The following MAP4K3 variants were observed in gnomAD, a reference collection of about 807,000 sequenced individuals.
MAP4K3 encodes MAPK/ERK kinase kinase kinase 3.
MAP4K3 carries 94 observed loss-of-function variants against 143.5 expected under a neutral mutation model. The observed-to-expected ratio is 0.65, with a 90% CI of 0.55 to 0.78. The LOEUF (loss-of-function observed/expected upper bound fraction) is 0.78. Among genes scored for constraint, MAP4K3 ranks in the 30% least tolerant of loss-of-function variants. MAP4K3 has a pLI of 0.00. For missense variants in MAP4K3, 1,077 were observed against 1,068.1 expected (o/e 1.01, Z -0.12); for synonymous variants, 416 against 347.2 (o/e 1.20, Z -2.20).
intron 20 of MAP4K3, among the ~76,000 whole-genome samples, chr2:39,287,232 G>A (rs558151328): frequency 6.6e-6 from 1 of 151,828 alleles, no homozygotes; most frequent in African/African-American, 2.4e-5. Flanking sequence ...ACCAAATACT[G>A]AATTCATAAC....
At chr2:39,413,962 C>T (rs1667300063) in intron 1 of MAP4K3, among the ~76,000 whole-genome samples, 1 of 152,188 alleles carries the variant, frequency 6.6e-6, no homozygotes, top group South Asian at 2.1e-4. Context: ...AGAGCATACA[C>T]ACTTACTCGC....
At chr2:39,344,067 T>C (rs1349499878) in intron 3 of MAP4K3, among the ~76,000 whole-genome samples, 1 of 152,216 alleles carries the variant, frequency 6.6e-6, no homozygotes, top group Non-Finnish European at 1.5e-5. Context: ...AAATGTACCA[T>C]TCATGGTACA....
chr2:39,398,999 A>G (rs1218727896), intron 1 of MAP4K3, among the ~76,000 whole-genome samples: 2 of 150,040 alleles, frequency 1.3e-5, no homozygotes, highest in Non-Finnish European at 3.0e-5. Context: ...AGCTGAGATC[A>G]TGCCATTGCA....
intron 22 of MAP4K3, among the ~76,000 whole-genome samples, chr2:39,281,379 C>T (rs764589041): frequency 3.9e-5 from 6 of 152,134 alleles, no homozygotes; most frequent in Non-Finnish European, 8.8e-5. Context: ...TTTAAAGACT[C>T]TGGTACCAAA....
intron 28 of MAP4K3, among the ~76,000 whole-genome samples, chr2:39,264,065 C>T (rs1680675291): frequency 6.6e-6 from 1 of 151,986 alleles, no homozygotes. Context: ...ATAGGAGGGA[C>T]ATATTTAAAA....
chr2:39,272,416 G>C lies in MAP4K3; in HGVS notation c.1856-16C>G, dbSNP rs750590755. On this transcript the variant is annotated splice_polypyrimidine_tract_variant and intron_variant, in intron 25 of 33. Transcript: ENST00000263881. ...GAAGCTTTACCTATAAAGAAAAACA[G>C]ATATGACATAAAAGCTAATAATAAA... is the stretch of plus-strand genomic sequence containing the variant. 6.9e-6 allele frequency: 11 copies of C among 1,603,244 alleles called. No homozygotes were observed. In the East Asian group the frequency reaches 1.3e-4, roughly 20 times the overall value.
chr2:39,411,828 T>C (rs540874888), intron 1 of MAP4K3, among the ~76,000 whole-genome samples: 14 of 152,174 alleles, frequency 9.2e-5, no homozygotes, highest in Non-Finnish European at 2.1e-4. Context: ...CGAAGGGTAA[T>C]GGCTACATAT....
chr2:39,303,993 A>G (rs1318520475), intron 15 of MAP4K3, among the ~76,000 whole-genome samples: 10 of 152,220 alleles, frequency 6.6e-5, no homozygotes, highest in Admixed American at 6.5e-4. Context: ...CATTTTGCAG[A>G]TCAGACAAAC....
rs551398400 is a variant in MAP4K3, at chr2:39,399,119, C to G, written c.97-20996G>C. ...GCAATCACACTTATCAACCTGCTCA[C>G]ACGAAATTCCCAATCTATCAATTAA... On this transcript the variant is annotated intron_variant, in intron 1 of 33. Coordinates refer to ENST00000263881, the MANE Select transcript of MAP4K3 (RefSeq NM_003618.4). Among the ~76,000 whole-genome samples the G allele has an allele frequency of 1.1e-4, 17 of 151,038 alleles. No homozygotes were observed. The East Asian group carries it at 3.1e-3, about 28-fold the overall frequency.
chr2:39,351,786 A>T (rs1198195250), intron 3 of MAP4K3, among the ~76,000 whole-genome samples: 4 of 152,076 alleles, frequency 2.6e-5, no homozygotes, highest in Admixed American at 6.5e-5. Flanking sequence ...CTCCTGCTTC[A>T]GCCTCCCTAG....
intron 21 of MAP4K3, among the ~76,000 whole-genome samples, chr2:39,285,917 T>C (rs982803413): frequency 5.9e-5 from 9 of 152,216 alleles, no homozygotes; most frequent in African/African-American, 1.9e-4. Flanking sequence ...AAATGTTTCA[T>C]CTCTTATGAT....
intron 14 of MAP4K3, among the ~76,000 whole-genome samples, chr2:39,308,963 TAAAAAAA>T (rs573090679): frequency 6.6e-6 from 1 of 151,722 alleles, no homozygotes; most frequent in Admixed American, 6.6e-5. Context: ...AAATAAAAAA[TAAAAAAA>T]ATTTAAAAGT....
At chr2:39,385,966 T>C (rs558094895) in intron 1 of MAP4K3, among the ~76,000 whole-genome samples, 1 of 152,266 alleles carries the variant, frequency 6.6e-6, no homozygotes, top group African/African-American at 2.4e-5. Context: ...TTATTCTTCA[T>C]TCTTGTTAAC....
At chr2:39,368,206 C>T (rs1227101595) in intron 2 of MAP4K3, among the ~76,000 whole-genome samples, 1 of 152,026 alleles carries the variant, frequency 6.6e-6, no homozygotes, top group African/African-American at 2.4e-5. Flanking sequence ...CCTACAGTTT[C>T]TATATGTAAA....
intron 1 of MAP4K3, among the ~76,000 whole-genome samples, chr2:39,428,044 A>G (rs1665150675): frequency 6.6e-6 from 1 of 152,224 alleles, no homozygotes; most frequent in South Asian, 2.1e-4. Flanking sequence ...TCACTCTTTC[A>G]GGAAGTCAAC....
intron 27 of MAP4K3, among the ~76,000 whole-genome samples, chr2:39,266,314 A>G (rs1680761400): frequency 6.6e-6 from 1 of 152,080 alleles, no homozygotes; most frequent in Admixed American, 6.5e-5. Context: ...TCACACCCAG[A>G]TACTCCTTCC....
At chr2:39,363,668 CAAAAAAAA>C (rs34083007) in intron 2 of MAP4K3, among the ~76,000 whole-genome samples, 2 of 83,742 alleles carry the variant, frequency 2.4e-5, no homozygotes, top group Non-Finnish European at 2.2e-5. Context: ...GACTCTGTCT[CAAAAAAAA>C]AAAAAAAAAA....
rs778271789 is a variant in MAP4K3, at chr2:39,325,501, G to T, written c.918+17C>A. ...ATATACATGTTATATATGCCCGCTG[G>T]TAAAAGCAATTCCTACCTCAGGATC... On this transcript the variant is annotated intron_variant, in intron 12 of 33. Coordinates refer to ENST00000263881, the MANE Select transcript of MAP4K3 (RefSeq NM_003618.4). 3.2e-6 allele frequency: 5 copies of T among 1,570,340 alleles called. No individual in the cohort carries two copies. In the South Asian group the frequency reaches 5.6e-5, roughly 18 times the overall value.
intron 26 of MAP4K3, among the ~76,000 whole-genome samples, chr2:39,268,202 A>G (rs1228731513): frequency 2.0e-5 from 3 of 152,224 alleles, no homozygotes; most frequent in African/African-American, 7.2e-5. Flanking sequence ...AAAAACTACA[A>G]TTTAAAAACT....
Sources: gnomAD v4.1 joint callset for allele counts (sites outside exome capture counted in the v4.1 genomes callset) on GRCh38, gnomAD v4.1.1 for gene constraint, MANE v1.5 for transcripts, NCBI Gene and HGNC (gene_info 2026-07-23, HGNC 2026-07-21) for gene names.